Variants in CEP85 observed in about 807,000 individuals in gnomAD.
CEP85 encodes centrosomal protein 85.
In CEP85, 58 loss-of-function variants were observed where a neutral mutation model predicts 93.7. That is an observed-to-expected ratio of 0.62 (90% confidence interval 0.50 to 0.77). The LOEUF is 0.77. Ranked by LOEUF, CEP85 falls within the 30% of genes least tolerant of loss-of-function variation. CEP85 has a pLI of 0.00. For missense variants in CEP85, 868 were observed against 922.0 expected, an observed-to-expected ratio of 0.94 and a Z score of 0.76; for synonymous variants, 314 against 338.6, an observed-to-expected ratio of 0.93 and a Z score of 0.80.
At chr1:26,256,391 TGTG>T (rs1472436600) in intron 4 of CEP85, among the ~76,000 whole-genome samples, 2 of 151,648 alleles carry the variant, frequency 1.3e-5, no homozygotes, top group African/African-American at 2.4e-5. Context: ...ATTAGCCAGG[TGTG>T]GTGGCATGCG....
At chr1:26,250,373 T>TAGA (rs1242989226) in intron 3 of CEP85, among the ~76,000 whole-genome samples, 3 of 152,210 alleles carry the variant, frequency 2.0e-5, no homozygotes, top group African/African-American at 7.2e-5. Flanking sequence ...GCTCAGTCCT[T>TAGA]ACGAGAATCT....
At chr1:26,237,762 A>G (rs2089348959) in intron 1 of CEP85, among the ~76,000 whole-genome samples, 1 of 152,094 alleles carries the variant, frequency 6.6e-6, no homozygotes, top group African/African-American at 2.4e-5. Context: ...CTGTCACCGT[A>G]TTTTCAACTT....
At chr1:26,266,708 A>G (rs72649339) in intron 7 of CEP85, among the ~76,000 whole-genome samples, 2,360 of 152,340 alleles carry the variant, frequency 0.015, 23 homozygotes, top group Non-Finnish European at 0.023. Context: ...GTAGATCTGC[A>G]TCACTTTTTC....
At chr1:26,256,923 GTTTTGGTGTGTGTGTGTGTGT>G (rs2089713088) in intron 4 of CEP85, among the ~76,000 whole-genome samples, 1 of 130,052 alleles carries the variant, frequency 7.7e-6, no homozygotes. Flanking sequence ...GTTTTGTTTT[GTTTTGGTGTGTGTGTGTGTGT>G]GTGTGTGTGT....
intron 8 of CEP85, 46 bp from the exon 9 acceptor site, chr1:26,269,414 A>G (rs1180342517): frequency 1.3e-6 from 2 of 1,592,236 alleles, no homozygotes; most frequent in East Asian, 2.2e-5. Flanking sequence ...TTTTGCATTT[A>G]TAACACTTGG....
intron 12 of CEP85, 32 bp from the exon 13 acceptor site, chr1:26,276,503 G>T (rs1420877252): frequency 1.3e-6 from 2 of 1,551,194 alleles, no homozygotes; most frequent in South Asian, 1.1e-5. Context: ...CCCTGGGCCT[G>T]AGTTAATGTG....
chr1:26,265,809 G>A (rs935595325), intron 7 of CEP85, among the ~76,000 whole-genome samples: 3 of 152,192 alleles, frequency 2.0e-5, no homozygotes, highest in Non-Finnish European at 4.4e-5. Flanking sequence ...GCTGGGCATG[G>A]TGGCTCACTC....
At chr1:26,244,694 G>A (rs2089483040) in intron 3 of CEP85, among the ~76,000 whole-genome samples, 1 of 152,018 alleles carries the variant, frequency 6.6e-6, no homozygotes, top group Non-Finnish European at 1.5e-5. Context: ...CTAATTTTTT[G>A]TGTGTTTTTA....
At chr1:26,267,095 C>T (rs535174269) in intron 7 of CEP85, among the ~76,000 whole-genome samples, 2 of 152,340 alleles carry the variant, frequency 1.3e-5, no homozygotes, top group South Asian at 2.1e-4. Flanking sequence ...CTCAGCAAAA[C>T]TGTGTTTACT....
rs1268997393 is a variant in CEP85, at chr1:26,268,194, A to G, written c.1342-289A>G. ...TTGATGTGGCTGGGTGTGGTGGCCC[A>G]TGCCTGTAATCCCAGCAGTTTGGGA... On this transcript the variant is annotated intron_variant, in intron 7 of 13. Transcript: ENST00000451429. 1.6e-4 allele frequency among the ~76,000 whole-genome samples: 25 copies of G among 152,228 alleles called. 1 individual carries two copies. The highest frequency in any genetic ancestry group is 1.6e-3 in the Admixed American group (25 of 15,286).
At chr1:26,259,332 G>A (rs561701958) in intron 6 of CEP85, among the ~76,000 whole-genome samples, 10 of 152,312 alleles carry the variant, frequency 6.6e-5, no homozygotes, top group Non-Finnish European at 1.5e-4. Flanking sequence ...ATGTGAGTGT[G>A]CATCAGAATC....
chr1:26,273,928 ATAAAAT>A (rs2090015799), intron 11 of CEP85, among the ~76,000 whole-genome samples: 1 of 143,216 alleles, frequency 7.0e-6, no homozygotes, highest in Non-Finnish European at 1.5e-5. Flanking sequence ...AAATAAATAA[ATAAAAT>A]ATATATATAT....
intron 3 of CEP85, among the ~76,000 whole-genome samples, chr1:26,244,532 G>T (rs1360399153): frequency 6.6e-6 from 1 of 152,032 alleles, no homozygotes; most frequent in African/African-American, 2.4e-5. Context: ...AAACAACTTT[G>T]TTGGGGGGTG....
At chr1:26,250,932 C>CTTTTTT (rs869156420) in intron 3 of CEP85, among the ~76,000 whole-genome samples, 6 of 17,502 alleles carry the variant, frequency 3.4e-4, no homozygotes, top group East Asian at 1.2e-3. Flanking sequence ...TTTCTTTTTT[C>CTTTTTT]TTTTTTTTTT....
Position 26,239,811 on chromosome 1 carries a change from G to C in CEP85, c.28G>C (p.Glu10Gln). Residue 10 changes from glutamate to glutamine, a missense_variant, in exon 2 of 14, where the codon GAG (glutamate) becomes CAG (glutamine). By Grantham distance (29) the Glu-to-Gln change is conservative. Coordinates refer to ENST00000451429, the MANE Select transcript of CEP85 (RefSeq NM_001319944.2). ...GGCCATGCAGGAGAAATATCCAACT[G>C]AGGGGATCTCTCACGTCACTTCACC... MAMQEKYPT[E>Q]GISHVTSPSS... 6.2e-7 allele frequency: 1 copy of C among 1,613,870 alleles called. No homozygotes were observed. Among genetic ancestry groups the C allele is most frequent in the Non-Finnish European group, 8.5e-7 (1 of 1,179,754 alleles).
chr1:26,270,715 A>G (rs1046110205), intron 9 of CEP85, among the ~76,000 whole-genome samples: 2 of 152,242 alleles, frequency 1.3e-5, no homozygotes, highest in African/African-American at 4.8e-5. Context: ...TATGACTTAC[A>G]ATCTAAATAC....
At position 26,276,629 on chromosome 1, in the gene CEP85, C is replaced by T. The variant is rs143208344; in HGVS notation, c.1997C>T (p.Thr666Met). 2.6e-5 allele frequency: 42 copies of T among 1,614,244 alleles called. No homozygotes were observed. Among genetic ancestry groups the T allele is most frequent in the African/African-American group, 2.3e-4 (17 of 75,064 alleles). The change falls in exon 13 of 14, where the codon ACG becomes ATG. Residue 666 changes from threonine (T) to methionine (M), a missense_variant. By Grantham distance (81) the Thr-to-Met change is moderately conservative (BLOSUM62 -1). Transcript: ENST00000451429. Reference protein sequence around the residue: ...AQPGSPPSPDTAQLALELHQE... With the variant: ...AQPGSPPSPDMAQLALELHQE... ...CCAGGGTCTCCACCTTCACCAGACA[C>T]GGCCCAGCTGGCACTTGAGCTGCAC...
chr1:26,261,394 C>T lies in CEP85; in HGVS notation c.1341+1592C>T, dbSNP rs1315497562. 2.6e-5 allele frequency among the ~76,000 whole-genome samples: 4 copies of T among 151,952 alleles called. No individual in the cohort carries two copies. In the East Asian group the frequency reaches 7.8e-4, roughly 30 times the overall value. ...GGCTGAAGCAGGAGAATCACTTTAA[C>T]CCAGGAGGCGGAAGTTGCAATGAGG... On this transcript the variant is annotated intron_variant, in intron 7 of 13. Coordinates refer to ENST00000451429, the MANE Select transcript of CEP85 (RefSeq NM_001319944.2).
chr1:26,239,872 G>T (rs1213051361), intron 2 of CEP85, 34 bp downstream of exon 2: 1 of 1,526,902 alleles, frequency 6.5e-7, no homozygotes, highest in South Asian at 1.1e-5. Flanking sequence ...GTTAAATTCT[G>T]ACCTTTGTTC....
Sources: allele counts gnomAD v4.1 joint callset (sites outside exome capture counted in the v4.1 genomes callset), GRCh38; gene constraint gnomAD v4.1.1; transcripts MANE v1.5; gene names NCBI Gene and HGNC (gene_info 2026-07-23, HGNC 2026-07-21).